The following B3GALT1 variants were observed in gnomAD, a reference collection of about 807,000 sequenced individuals.
The protein encoded by B3GALT1 is UDP-Gal:betaGlcNAc beta 1,3-galactosyltransferase, polypeptide 1.
A neutral mutation model predicts 23.2 loss-of-function variants in B3GALT1; 10 were observed. The ratio of observed to expected loss-of-function variants is 0.43; its 90% CI spans 0.27 to 0.73. B3GALT1 has a LOEUF of 0.73. Ranked by LOEUF, B3GALT1 falls within the 30% of genes least tolerant of loss-of-function variation. The probability of loss-of-function intolerance (pLI) is 0.21; values close to 1 mark genes in which losing one functional copy is unlikely to be tolerated. For synonymous variants in B3GALT1, 156 were observed against 141.5 expected (o/e 1.10, Z -0.73); for missense variants, 299 against 405.4 (o/e 0.74, Z 2.25).
At chr2:167,298,510 A>G (rs1382869344) in intron 1 of B3GALT1, among the ~76,000 whole-genome samples, 7 of 152,142 alleles carry the variant, frequency 4.6e-5, no homozygotes, top group Admixed American at 2.6e-4. Context: ...TAAGATTTAT[A>G]AGGCTGGACG....
At chr2:167,558,950 G>A (rs931475789) in intron 2 of B3GALT1, among the ~76,000 whole-genome samples, 1 of 152,210 alleles carries the variant, frequency 6.6e-6, no homozygotes, top group Non-Finnish European at 1.5e-5. Flanking sequence ...GCTTTGAAGA[G>A]AGCAGTGGTT....
intron 3 of B3GALT1, among the ~76,000 whole-genome samples, chr2:167,774,629 C>G (rs1230094144): frequency 6.6e-6 from 1 of 151,188 alleles, no homozygotes; most frequent in African/African-American, 2.4e-5. Flanking sequence ...TCCTGAGTAG[C>G]TGGGATTACA....
In B3GALT1 at chr2:167,856,870, G is replaced by T. The variant is rs1476475570; in HGVS notation, c.-229-11941G>T. The stretch of plus-strand genomic sequence containing the variant: ...TGTTCTTGTTATTTTTCTAAGCAAA[G>T]GAAGACAAGCACTTCTAGAGACAAA... On this transcript the variant is annotated intron_variant, in intron 4 of 4. Transcript: ENST00000392690. Among the ~76,000 whole-genome samples, 4 of 152,110 alleles carry T rather than the reference G, an allele frequency of 2.6e-5. No individual in the cohort carries two copies. The East Asian group carries it at 7.7e-4, about 29-fold the overall frequency.
chr2:167,668,809 G>A (rs1477519986), intron 3 of B3GALT1, among the ~76,000 whole-genome samples: 10 of 152,126 alleles, frequency 6.6e-5, no homozygotes, highest in South Asian at 6.2e-4. Context: ...GCTTCGGCTC[G>A]CGCACGGTGC....
intron 3 of B3GALT1, among the ~76,000 whole-genome samples, chr2:167,675,077 G>T (rs1038692662): frequency 6.6e-6 from 1 of 152,162 alleles, no homozygotes; most frequent in Non-Finnish European, 1.5e-5. Context: ...ATGAGCCCCT[G>T]TGCACCTTGG....
chr2:167,723,942 G>A (rs1225527905), intron 3 of B3GALT1, among the ~76,000 whole-genome samples: 1 of 152,080 alleles, frequency 6.6e-6, no homozygotes, highest in East Asian at 1.9e-4. Flanking sequence ...AAGCTTAACA[G>A]TATTGTTTAC....
intron 3 of B3GALT1, among the ~76,000 whole-genome samples, chr2:167,747,223 G>C (rs545720136): frequency 6.6e-6 from 1 of 152,286 alleles, no homozygotes; most frequent in East Asian, 1.9e-4. Context: ...AGGCAGCCAA[G>C]ATGTTGGGGT....
At chr2:167,384,718 G>C (rs895609962) in intron 1 of B3GALT1, among the ~76,000 whole-genome samples, 8 of 151,968 alleles carry the variant, frequency 5.3e-5, no homozygotes, top group Non-Finnish European at 1.0e-4. Context: ...TTGCCATAGC[G>C]TTTGCTCAGT....
At chr2:167,778,137 T>G (rs1688192734) in intron 3 of B3GALT1, among the ~76,000 whole-genome samples, 1 of 152,288 alleles carries the variant, frequency 6.6e-6, no homozygotes, top group East Asian at 1.9e-4. Flanking sequence ...CAATGCAAAG[T>G]GCCACAAATA....
At chr2:167,833,524 A>T (rs143435772) in intron 4 of B3GALT1, among the ~76,000 whole-genome samples, 33 of 152,316 alleles carry the variant, frequency 2.2e-4, no homozygotes, top group African/African-American at 7.9e-4. Flanking sequence ...TCACTCCCCA[A>T]GGTAGCTATT....
Position 167,873,171 on chromosome 2 carries a change from C to CTT in B3GALT1, c.*3157_*3158dup, listed in dbSNP as rs1412281949. 1.3e-5 allele frequency: 2 copies of CTT among 152,074 alleles called. No homozygotes were observed. The highest frequency in any genetic ancestry group is 4.8e-5 in the African/African-American group (2 of 41,394). The allele number at this position is 152,074 out of a possible 1,614,324, so 9.4% of individuals were successfully genotyped here. On this transcript the variant is annotated 3_prime_UTR_variant, in exon 5 of 5. Coordinates refer to ENST00000392690, the MANE Select transcript of B3GALT1 (RefSeq NM_020981.4). ...CTCTCAGACAATTTTTACAAAAACT[C>CTT]TTTTTTTCCATTATGCACTGGATAA...
chr2:167,614,446 G>C (rs1355358369), intron 2 of B3GALT1, among the ~76,000 whole-genome samples: 1 of 151,656 alleles, frequency 6.6e-6, no homozygotes, highest in Non-Finnish European at 1.5e-5. Context: ...GTTTTCAATT[G>C]TCTCTGAATC....
chr2:167,678,388 T>C (rs1686465933), intron 3 of B3GALT1, among the ~76,000 whole-genome samples: 1 of 152,140 alleles, frequency 6.6e-6, no homozygotes, highest in Non-Finnish European at 1.5e-5. Flanking sequence ...AGCTAAACAA[T>C]TTCCCAAAGG....
intron 2 of B3GALT1, chr2:167,631,619 G>A (rs1281668173): frequency 2.6e-5 from 4 of 151,230 alleles, no homozygotes; most frequent in Non-Finnish European, 4.4e-5. Flanking sequence ...AAATAGTCAT[G>A]TTCACCCTCA....
chr2:167,484,144 T>C (rs1699594508), intron 1 of B3GALT1, among the ~76,000 whole-genome samples: 1 of 152,202 alleles, frequency 6.6e-6, no homozygotes, highest in Non-Finnish European at 1.5e-5. Context: ...CACATCTTTA[T>C]ATGTGAAAAT....
chr2:167,369,723 C>T (rs561873704), intron 1 of B3GALT1, among the ~76,000 whole-genome samples: 66 of 152,176 alleles, frequency 4.3e-4, no homozygotes, highest in African/African-American at 1.4e-3. Context: ...AGTTTCAATA[C>T]GGCATGTGCA....
intron 3 of B3GALT1, among the ~76,000 whole-genome samples, chr2:167,669,848 C>T (rs372832159): frequency 6.6e-5 from 10 of 152,140 alleles, no homozygotes; most frequent in East Asian, 1.9e-4. Context: ...CCAAGAAGCC[C>T]GCCAATTTCT....
chr2:167,564,340 G>GGGACGGC (rs1390843727), intron 2 of B3GALT1, among the ~76,000 whole-genome samples: 2 of 151,276 alleles, frequency 1.3e-5, no homozygotes, highest in Non-Finnish European at 3.0e-5. Context: ...CCTCCTAGAT[G>GGGACGGC]GGACGGCGGC....
At chr2:167,511,685 A>G (rs554407557) in intron 2 of B3GALT1, among the ~76,000 whole-genome samples, 1 of 152,158 alleles carries the variant, frequency 6.6e-6, no homozygotes, top group African/African-American at 2.4e-5. Context: ...AGTCTTCCAA[A>G]TGTTAGCAAG....
Sources: allele counts gnomAD v4.1 joint callset (sites outside exome capture counted in the v4.1 genomes callset), GRCh38; gene constraint gnomAD v4.1.1; transcripts MANE v1.5; gene names NCBI Gene and HGNC (gene_info 2026-07-23, HGNC 2026-07-21).